The following IL33 variants were observed in gnomAD, a reference collection of about 807,000 sequenced individuals.
IL33 encodes the protein interleukin-33.
Under a neutral mutation model 27.3 loss-of-function variants are expected in IL33, and 37 were observed. That is an observed-to-expected ratio of 1.36 (90% confidence interval 1.04 to 1.78). The LOEUF (loss-of-function observed/expected upper bound fraction) is 1.78, where lower values mean the gene tolerates loss of function less well. Ranked by LOEUF, IL33 falls within the 40% of genes most tolerant of loss-of-function variation. The probability of loss-of-function intolerance (pLI) is 0.00; values close to 1 mark genes in which losing one functional copy is unlikely to be tolerated. For missense variants in IL33, 406 were observed against 311.4 expected (o/e 1.30, Z -2.29); for synonymous variants, 132 against 102.9 (o/e 1.28, Z -1.71).
At position 6,253,564 on chromosome 9, in the gene IL33, TGAGTTAC is replaced by T; in HGVS notation, c.483_489del (p.Ser162MetfsTer19). ...CATTCTCTTTCAGATAAGGTGTTACTGAGTTACTATGAGTCTCAACACCCCTCAAATG... is the reference window on the plus strand; with the variant it reads ...CATTCTCTTTCAGATAAGGTGTTACTTATGAGTCTCAACACCCCTCAAATG... On this transcript the variant is annotated frameshift_variant, in exon 6 of 8. Coordinates refer to ENST00000682010, the MANE Select transcript of IL33 (RefSeq NM_033439.4). LOFTEE classifies it high-confidence loss of function. The T allele has an allele frequency of 6.2e-7, 1 of 1,607,702 alleles. No individual in the cohort carries two copies. The highest frequency in any genetic ancestry group is 8.5e-7 in the Non-Finnish European group (1 of 1,175,886).
chr9:6,218,681 T>A (rs910078105), intron 1 of IL33, among the ~76,000 whole-genome samples: 1 of 133,316 alleles, frequency 7.5e-6, no homozygotes, highest in Non-Finnish European at 1.6e-5. Context: ...TCCCCATATA[T>A]ATATGTTCTC....
chr9:6,246,063 CAAAAAAAAAAAAAAAA>C (rs71328183), intron 2 of IL33, among the ~76,000 whole-genome samples: 3 of 49,562 alleles, frequency 6.1e-5, no homozygotes, highest in Non-Finnish European at 1.0e-4. Flanking sequence ...ACTCTGTCTC[CAAAAAAAAAAAAAAAA>C]AAAAAAAAAA....
intron 6 of IL33, among the ~76,000 whole-genome samples, chr9:6,253,916 T>C (rs1012790960): frequency 6.6e-6 from 1 of 152,176 alleles, no homozygotes; most frequent in Non-Finnish European, 1.5e-5. Flanking sequence ...TCTCCTTCTA[T>C]CTTGTGGTTC....
At chr9:6,229,676 G>A (rs1818830798) in intron 1 of IL33, among the ~76,000 whole-genome samples, 1 of 152,126 alleles carries the variant, frequency 6.6e-6, no homozygotes, top group African/African-American at 2.4e-5. Flanking sequence ...AGTTTATAGG[G>A]TTTCTGTAAG....
At chr9:6,230,637 T>TAAAA (rs1818882654) in intron 1 of IL33, among the ~76,000 whole-genome samples, 1 of 152,150 alleles carries the variant, frequency 6.6e-6, no homozygotes. Flanking sequence ...AACTTAGTCA[T>TAAAA]AATCCCCATT....
chr9:6,253,497 T>C (rs1816530584), intron 5 of IL33, 55 bp from the exon 6 acceptor site: 3 of 1,296,208 alleles, frequency 2.3e-6, no homozygotes, highest in Admixed American at 1.8e-5. Context: ...GTGTTGGAAC[T>C]GAAAACTTAA....
At chr9:6,227,382 T>A (rs1437221048) in intron 1 of IL33, among the ~76,000 whole-genome samples, 1 of 152,230 alleles carries the variant, frequency 6.6e-6, no homozygotes, top group Admixed American at 6.5e-5. Context: ...CAATGTTGTT[T>A]GAAAAGATAT....
At chr9:6,243,060 T>C (rs1819624665) in intron 2 of IL33, among the ~76,000 whole-genome samples, 1 of 152,196 alleles carries the variant, frequency 6.6e-6, no homozygotes, top group Non-Finnish European at 1.5e-5. Context: ...GGCACCAAGC[T>C]GTTCATGAGT....
At chr9:6,215,327 C>T (rs1308855050), upstream of IL33, among the ~76,000 whole-genome samples, 3 of 152,038 alleles carry the variant, frequency 2.0e-5, no homozygotes, top group African/African-American at 4.8e-5. Flanking sequence ...CAGGAAAGCC[C>T]GTCAGATATG....
chr9:6,251,171 T>C lies in IL33; in HGVS notation c.249T>C (p.Ala83=). The C allele has an allele frequency of 5.0e-6, 8 of 1,613,966 alleles. 1 individual carries two copies. The South Asian group carries it at 8.8e-5, about 18-fold the overall frequency. The change falls in exon 4 of 8, where the codon GCT becomes GCC. Residue 83 remains alanine (A), a synonymous_variant. Coordinates refer to ENST00000682010, the MANE Select transcript of IL33 (RefSeq NM_033439.4). ...AGCACAAAAGACATCTGGTACTCGCTGCCTGTCAACAGCAGTCTACTGTGG... is the reference window on the plus strand; with the variant it reads ...AGCACAAAAGACATCTGGTACTCGCCGCCTGTCAACAGCAGTCTACTGTGG... ...GRKHKRHLVL[A]ACQQQSTVEC... is the part of the protein sequence containing the mutation.
rs1564076401 is a variant in IL33 at position 6,254,565 on chromosome 9, A to T, written c.612+12A>T. 2.0e-6 allele frequency: 3 copies of T among 1,498,408 alleles called. No individual in the cohort carries two copies. In the East Asian group the frequency reaches 7.1e-5, roughly 35 times the overall value. The allele number at this position is 1,498,408 out of a possible 1,614,324, so 92.8% of individuals were successfully genotyped here. On this transcript the variant is annotated intron_variant, in intron 7 of 7. Transcript: ENST00000682010. Reference sequence around the variant, plus strand: ...AACACTCTGTGGAGGTAAAAAAAAAAAATTTATCTATATCTATATATATGA... The same window carrying T: ...AACACTCTGTGGAGGTAAAAAAAAATAATTTATCTATATCTATATATATGA...
chr9:6,247,406 C>T (rs927534381), intron 2 of IL33, among the ~76,000 whole-genome samples: 3 of 152,076 alleles, frequency 2.0e-5, no homozygotes, highest in African/African-American at 7.2e-5. Context: ...TGGTAAAATC[C>T]GTGCTTGGGG....
intron 2 of IL33, among the ~76,000 whole-genome samples, chr9:6,244,941 T>A (rs1255288829): frequency 6.6e-6 from 1 of 152,198 alleles, no homozygotes; most frequent in Non-Finnish European, 1.5e-5. Context: ...CACATTGTGG[T>A]CACCCACAGG....
At chr9:6,253,705 C>A in intron 6 of IL33, 103 bp downstream of exon 6, 1 of 849,422 alleles carries the variant, frequency 1.2e-6, no homozygotes, top group South Asian at 1.7e-5. Context: ...AAGATAGTCT[C>A]AGAAGGTTAT....
intron 2 of IL33, among the ~76,000 whole-genome samples, chr9:6,249,056 C>T (rs912051914): frequency 6.6e-6 from 1 of 152,142 alleles, no homozygotes; most frequent in African/African-American, 2.4e-5. Flanking sequence ...TGTAAAAGCA[C>T]TAAAATATAA....
At chr9:6,221,872 G>C (rs1818426642) in intron 1 of IL33, among the ~76,000 whole-genome samples, 1 of 152,134 alleles carries the variant, frequency 6.6e-6, no homozygotes, top group Non-Finnish European at 1.5e-5. Flanking sequence ...CTTATCTTTG[G>C]GGAGAAGAGA....
At position 6,236,018 on chromosome 9, in the gene IL33, T is replaced by C. The variant is rs977805422; in HGVS notation, c.-11-5666T>C. ...ATACACCCACACCCACCCACACCCA[T>C]ACACACACACACACACACACACACA... is the stretch of plus-strand genomic sequence containing the variant. On this transcript the variant is annotated intron_variant, in intron 1 of 7. Transcript: ENST00000682010. Among the ~76,000 whole-genome samples, 514 of 139,660 alleles carry C rather than the reference T, an allele frequency of 3.7e-3. 2 individuals carry two copies. Among genetic ancestry groups the C allele is most frequent in the Middle Eastern group, 7.1e-3 (2 of 280 alleles). 91.6% of individuals were successfully genotyped at this position (139,660 alleles called of 152,430 possible).
At chr9:6,247,011 A>C (rs1323523335) in intron 2 of IL33, among the ~76,000 whole-genome samples, 1 of 152,228 alleles carries the variant, frequency 6.6e-6, no homozygotes, top group Admixed American at 6.5e-5. Flanking sequence ...GCTATGCTTC[A>C]AAGTAGCTGG....
At chr9:6,234,945 T>C (rs1483936321) in intron 1 of IL33, among the ~76,000 whole-genome samples, 1 of 152,224 alleles carries the variant, frequency 6.6e-6, no homozygotes, top group Admixed American at 6.5e-5. Context: ...CAACATAACA[T>C]GTGAAACTTC....
Sources: allele counts gnomAD v4.1 joint callset (sites outside exome capture counted in the v4.1 genomes callset), GRCh38; gene constraint gnomAD v4.1.1; transcripts MANE v1.5; gene names NCBI Gene and HGNC (gene_info 2026-07-23, HGNC 2026-07-21).